ZMYND8: variants seen among roughly 807,000 people sequenced by gnomAD.
The protein encoded by ZMYND8 is zinc finger MYND-type containing 8.
In ZMYND8, 37 loss-of-function variants were observed where a neutral mutation model predicts 140.8. The ratio of observed to expected loss-of-function variants is 0.26; its 90% confidence interval spans 0.20 to 0.35. ZMYND8 has a LOEUF of 0.35. ZMYND8 is among the 10% of genes least tolerant of loss of function. The pLI is 1.00. For missense variants in ZMYND8, 1,068 were observed against 1,570.0 expected (o/e 0.68, Z 5.40); for synonymous variants, 592 against 597.1 (o/e 0.99, Z 0.12).
chr20:47,293,273 T>C (rs893164902), intron 5 of ZMYND8, among the ~76,000 whole-genome samples: 3 of 151,248 alleles, frequency 2.0e-5, no homozygotes, highest in Admixed American at 1.3e-4. Flanking sequence ...AATATTCATC[T>C]ATAGAAAAAA....
At chr20:47,336,223 G>C (rs772309946) in intron 2 of ZMYND8, among the ~76,000 whole-genome samples, 4 of 152,078 alleles carry the variant, frequency 2.6e-5, no homozygotes, top group Admixed American at 6.5e-5. Flanking sequence ...TTAAGGTCTG[G>C]GGCTGGTTAG....
chr20:47,339,996 G>A (rs892371342), intron 2 of ZMYND8, among the ~76,000 whole-genome samples: 1 of 151,928 alleles, frequency 6.6e-6, no homozygotes, highest in Non-Finnish European at 1.5e-5. Flanking sequence ...AGGCTGGAGT[G>A]CAGGGGCACG....
At chr20:47,252,504 C>T (rs2074272822) in intron 12 of ZMYND8, among the ~76,000 whole-genome samples, 1 of 152,086 alleles carries the variant, frequency 6.6e-6, no homozygotes, top group African/African-American at 2.4e-5. Flanking sequence ...CGTATACTCA[C>T]AAAAATACTC....
rs1491476122 is a variant in ZMYND8, at chr20:47,216,495, C to CCAAAAA, written c.3484+3762_3484+3763insTTTTTG. Among the ~76,000 whole-genome samples, 161 of 59,452 alleles carry CCAAAAA rather than the reference C, an allele frequency of 2.7e-3. 2 individuals are homozygous for CCAAAAA. The highest frequency in any genetic ancestry group is 8.4e-3 in the African/African-American group (138 of 16,364). 39.0% of individuals were successfully genotyped at this position (59,452 alleles called of 152,430 possible). Reference sequence around the variant, plus strand: ...GGACAACAGAGCGAAGACTCTGTCTCAAAAAAAAAAAAAAAAAAAAAAAGG... The same window carrying CCAAAAA: ...GGACAACAGAGCGAAGACTCTGTCTCCAAAAAAAAAAAAAAAAAAAAAAAAAAAAGG... On this transcript the variant is annotated intron_variant, in intron 21 of 22. Coordinates refer to ENST00000471951, the MANE Select transcript of ZMYND8 (RefSeq NM_001281775.3).
intron 16 of ZMYND8, 104 bp downstream of exon 16, chr20:47,236,222 A>G: frequency 1.4e-6 from 2 of 1,404,750 alleles, no homozygotes; most frequent in Non-Finnish European, 9.8e-7. Context: ...TTCACTCCCT[A>G]AAGACTGCAA....
intron 2 of ZMYND8, among the ~76,000 whole-genome samples, chr20:47,322,406 C>T (rs1047898773): frequency 6.6e-6 from 1 of 151,646 alleles, no homozygotes; most frequent in Non-Finnish European, 1.5e-5. Context: ...TACAAACTGT[C>T]CCAAGAATCC....
chr20:47,295,169 G>T (rs555241547), intron 4 of ZMYND8, among the ~76,000 whole-genome samples: 11 of 152,308 alleles, frequency 7.2e-5, no homozygotes, highest in African/African-American at 2.4e-4. Context: ...GAGGTGGGTA[G>T]ATTGCTTGAG....
intron 21 of ZMYND8, among the ~76,000 whole-genome samples, chr20:47,218,661 G>A (rs554295349): frequency 6.6e-6 from 1 of 152,282 alleles, no homozygotes; most frequent in South Asian, 2.1e-4. Flanking sequence ...AGATGCTAAA[G>A]ACATCTTAGC....
chr20:47,330,072 G>A (rs1055993162), intron 2 of ZMYND8, among the ~76,000 whole-genome samples: 1 of 152,154 alleles, frequency 6.6e-6, no homozygotes, highest in African/African-American at 2.4e-5. Context: ...GTAAATAAAG[G>A]GTTCAGGCCA....
At chr20:47,354,811 C>T (rs1373718270) in intron 1 of ZMYND8, among the ~76,000 whole-genome samples, 1 of 152,192 alleles carries the variant, frequency 6.6e-6, no homozygotes, top group East Asian at 1.9e-4. Context: ...CAAGACTCTA[C>T]TTTTCCCACT....
chr20:47,215,243 T>C (rs2035911091), intron 21 of ZMYND8, among the ~76,000 whole-genome samples: 1 of 152,070 alleles, frequency 6.6e-6, no homozygotes, highest in Non-Finnish European at 1.5e-5. Flanking sequence ...CGTGGTGGTG[T>C]ATTCCTGTAA....
rs1433451723 is a variant in ZMYND8 at position 47,276,786 on chromosome 20, A to G, written c.1008T>C (p.Val336=). 5 of 1,608,174 alleles carry G rather than the reference A, an allele frequency of 3.1e-6. No homozygotes were observed. The highest frequency in any genetic ancestry group is 4.2e-6 in the Non-Finnish European group (5 of 1,177,354). Residue 336 remains valine (V), a synonymous_variant, in exon 11 of 23, where the codon GTT becomes GTC. Transcript: ENST00000471951. ...ACATGAGGTAGCAATTATTTATTGG[A>G]ACCCAGGCCCTAGAAGGGCAAAAGA... is the stretch of plus-strand genomic sequence containing the variant. ...RFFGQHDRAW[V]PINNCYLMSK...
intron 2 of ZMYND8, among the ~76,000 whole-genome samples, chr20:47,321,283 C>T (rs974949919): frequency 2.0e-5 from 3 of 152,136 alleles, no homozygotes; most frequent in Non-Finnish European, 4.4e-5. Context: ...AACACTTTTA[C>T]GGGGCTCAGG....
intron 2 of ZMYND8, among the ~76,000 whole-genome samples, chr20:47,311,570 C>T (rs887178110): frequency 5.3e-5 from 8 of 152,188 alleles, no homozygotes; most frequent in African/African-American, 1.9e-4. Flanking sequence ...TCCTTTTCCA[C>T]TGTATTTGTA....
intron 11 of ZMYND8, among the ~76,000 whole-genome samples, chr20:47,268,419 G>A (rs62201459): frequency 0.24 from 36,269 of 149,682 alleles, 4,732 homozygotes; most frequent in Non-Finnish European, 0.3. Flanking sequence ...TCAGCCTCCC[G>A]AGTAGCTGGG....
At chr20:47,223,521 A>G (rs566286986) in intron 19 of ZMYND8, among the ~76,000 whole-genome samples, 96 of 150,258 alleles carry the variant, frequency 6.4e-4, no homozygotes, top group Non-Finnish European at 1.2e-3. Context: ...AATAATAATA[A>G]TAATTCATAA....
chr20:47,324,410 T>C (rs1196506721), intron 2 of ZMYND8, among the ~76,000 whole-genome samples: 2 of 151,700 alleles, frequency 1.3e-5, no homozygotes, highest in Non-Finnish European at 2.9e-5. Context: ...TCCCACCTAC[T>C]CGGGAGGCTG....
At chr20:47,344,577 G>A (rs1022625405) in intron 2 of ZMYND8, among the ~76,000 whole-genome samples, 2 of 152,168 alleles carry the variant, frequency 1.3e-5, no homozygotes, top group African/African-American at 2.4e-5. Flanking sequence ...ATTCTAAAAC[G>A]GAAAAGGGAC....
At chr20:47,293,291 A>T (rs2077424121) in intron 5 of ZMYND8, among the ~76,000 whole-genome samples, 1 of 151,984 alleles carries the variant, frequency 6.6e-6, no homozygotes, top group South Asian at 2.1e-4. Flanking sequence ...AAATGTCATA[A>T]TATGCTTATT....
Sources: allele counts gnomAD v4.1 joint callset (sites outside exome capture counted in the v4.1 genomes callset), GRCh38; gene constraint gnomAD v4.1.1; transcripts MANE v1.5; gene names NCBI Gene and HGNC (gene_info 2026-07-23, HGNC 2026-07-21).